FAM228B: variants seen among roughly 807,000 people sequenced by gnomAD.
The protein encoded by FAM228B is protein FAM228B.
In FAM228B, 38 loss-of-function variants were observed where a neutral mutation model predicts 42.6. That is an observed-to-expected ratio of 0.89 (90% CI 0.69 to 1.17). The LOEUF is 1.17. Among genes scored for constraint, FAM228B ranks in the 50% most tolerant of loss-of-function variants. The pLI is 0.00. For synonymous variants in FAM228B, 109 were observed against 122.3 expected (o/e 0.89, Z 0.72); for missense variants, 344 against 367.3 (o/e 0.94, Z 0.52).
intron 3 of FAM228B, among the ~76,000 whole-genome samples, chr2:24,110,802 T>TA (rs1665778156): frequency 6.6e-6 from 1 of 151,992 alleles, no homozygotes; most frequent in African/African-American, 2.4e-5. Flanking sequence ...GACAGAAGTG[T>TA]GGGTAGTGCG....
chr2:24,141,027 A>C (rs991669740), intron 5 of FAM228B, among the ~76,000 whole-genome samples: 1 of 152,046 alleles, frequency 6.6e-6, no homozygotes, highest in African/African-American at 2.4e-5. Flanking sequence ...ATTCAAGTGA[A>C]TTTAGTGACA....
At chr2:24,134,673 G>GTTTAAAA (rs1666538144) in intron 2 of FAM228B, among the ~76,000 whole-genome samples, 1 of 152,138 alleles carries the variant, frequency 6.6e-6, no homozygotes, top group African/African-American at 2.4e-5. Flanking sequence ...TTGATGGGCT[G>GTTTAAAA]GGCACAGTGG....
At chr2:24,155,531 A>ATTTATTT (rs1667120422) in intron 7 of FAM228B, among the ~76,000 whole-genome samples, 1 of 13,038 alleles carries the variant, frequency 7.7e-5, no homozygotes, top group Non-Finnish European at 1.6e-4. Flanking sequence ...ATATATATAT[A>ATTTATTT]TTTTTTTTTT....
chr2:24,165,481 C>T (rs1281105836), intron 9 of FAM228B: 1 of 471,062 alleles, frequency 2.1e-6, no homozygotes, highest in South Asian at 1.5e-5. Context: ...TCCTCAGGTC[C>T]CAGATGGGAG....
intron 5 of FAM228B, among the ~76,000 whole-genome samples, chr2:24,143,394 TC>T (rs1406914247): frequency 2.6e-5 from 4 of 151,922 alleles, no homozygotes; most frequent in African/African-American, 4.8e-5. Flanking sequence ...TGGGGTTTCA[TC>T]GTGTTAGCCA....
rs547825731 is a variant in FAM228B at position 24,110,713 on chromosome 2, C to G, written c.-121+15484C>G. Among the ~76,000 whole-genome samples, 485 of 152,272 alleles carry G rather than the reference C, an allele frequency of 3.2e-3. 4 individuals carry two copies. Among genetic ancestry groups the G allele is most frequent in the African/African-American group, 0.011 (457 of 41,556 alleles). On this transcript the variant is annotated intron_variant, in intron 3 of 10. Transcript: ENST00000613899. Reference sequence around the variant, plus strand: ...AACTGCAATCGTAAGTGCAGTGTAGCCTTTTCATGAGTTCTGTAGTCATTC... The same window carrying G: ...AACTGCAATCGTAAGTGCAGTGTAGGCTTTTCATGAGTTCTGTAGTCATTC...
chr2:24,133,723 A>G (rs1023101211), intron 2 of FAM228B, among the ~76,000 whole-genome samples: 6 of 152,184 alleles, frequency 3.9e-5, no homozygotes, highest in Non-Finnish European at 8.8e-5. Context: ...GTGTTATTTC[A>G]AAATCTGAAA....
chr2:24,157,514 G>C (rs1214579042), intron 7 of FAM228B, among the ~76,000 whole-genome samples: 2 of 152,010 alleles, frequency 1.3e-5, no homozygotes, highest in Admixed American at 1.3e-4. Flanking sequence ...GAGGCGGGTG[G>C]ATGACCTGAG....
intron 2 of FAM228B, among the ~76,000 whole-genome samples, chr2:24,094,411 C>G (rs1186716386): frequency 1.3e-5 from 2 of 152,020 alleles, no homozygotes; most frequent in East Asian, 3.9e-4. Flanking sequence ...AATTATTCAC[C>G]TGAAATATAA....
At chr2:24,140,540 A>G (rs1666718463) in intron 5 of FAM228B, among the ~76,000 whole-genome samples, 1 of 152,226 alleles carries the variant, frequency 6.6e-6, no homozygotes, top group Non-Finnish European at 1.5e-5. Flanking sequence ...ACCAATTAAC[A>G]TACATTGCAT....
intron 7 of FAM228B, among the ~76,000 whole-genome samples, chr2:24,154,894 C>A (rs1371077567): frequency 6.6e-6 from 1 of 152,152 alleles, no homozygotes; most frequent in Non-Finnish European, 1.5e-5. Flanking sequence ...GAACTAAAAT[C>A]ATTTCATTTG....
chr2:24,146,251 AT>A (rs1403989766), intron 5 of FAM228B, among the ~76,000 whole-genome samples: 5 of 152,158 alleles, frequency 3.3e-5, no homozygotes, highest in Non-Finnish European at 7.4e-5. Context: ...CTGTTTTCAT[AT>A]GTAGAACTGT....
chr2:24,086,018 G>A (rs1171352601), intron 2 of FAM228B, among the ~76,000 whole-genome samples: 1 of 152,052 alleles, frequency 6.6e-6, no homozygotes, highest in African/African-American at 2.4e-5. Context: ...GGCGGATCAC[G>A]AGGTCAGGAG....
rs542742204 is a variant in FAM228B, at chr2:24,147,168, T to C, written c.686+82T>C. On this transcript the variant is annotated intron_variant, in intron 7 of 10. Transcript: ENST00000615575. ...ACTGATATAACATTTTTCATAGTTATGATTTTTTAAAATTATCATTTTTCT... is the reference window on the plus strand; with the variant it reads ...ACTGATATAACATTTTTCATAGTTACGATTTTTTAAAATTATCATTTTTCT... 85 of 988,924 alleles carry C rather than the reference T, an allele frequency of 8.6e-5. No homozygotes were observed. In the South Asian group the frequency reaches 8.9e-4, roughly 10 times the overall value. The allele number at this position is 988,924 out of a possible 1,614,324, so 61.3% of individuals were successfully genotyped here.
rs766073678 is a variant in FAM228B, at chr2:24,123,517, G to C, written c.-49G>C. 6.6e-6 allele frequency: 1 copy of C among 152,176 alleles called. No individual in the cohort carries two copies. Among genetic ancestry groups the C allele is most frequent in the Non-Finnish European group, 1.5e-5 (1 of 68,046 alleles). 9.4% of individuals were successfully genotyped at this position (152,176 alleles called of 1,614,324 possible). On this transcript the variant is annotated 5_prime_UTR_variant, in exon 1 of 11. Coordinates refer to ENST00000615575, the MANE Select transcript of FAM228B (RefSeq NM_001145710.2). ...GCAGGGGGCGGAGTGCTCGCGCGGC[G>C]CTGCGTCCGGGAGACGGTGGGCGCC... is the stretch of plus-strand genomic sequence containing the variant.
intron 3 of FAM228B, among the ~76,000 whole-genome samples, chr2:24,117,078 C>A (rs1343884102): frequency 6.8e-6 from 1 of 147,896 alleles, no homozygotes; most frequent in African/African-American, 2.5e-5. Context: ...TGCAGTGGCA[C>A]GATCTCGGCT....
At chr2:24,088,346 AT>A (rs1665307893) in intron 2 of FAM228B, among the ~76,000 whole-genome samples, 1 of 147,412 alleles carries the variant, frequency 6.8e-6, no homozygotes, top group African/African-American at 2.5e-5. Flanking sequence ...TCATCCCTTT[AT>A]TATATATATA....
chr2:24,157,837 A>G (rs1255451962), intron 7 of FAM228B, among the ~76,000 whole-genome samples: 2 of 152,164 alleles, frequency 1.3e-5, no homozygotes, highest in Non-Finnish European at 2.9e-5. Context: ...CAAGATCCTC[A>G]GATGATTCGA....
intron 3 of FAM228B, among the ~76,000 whole-genome samples, chr2:24,114,037 G>A (rs1452762230): frequency 6.6e-6 from 1 of 152,186 alleles, no homozygotes; most frequent in Non-Finnish European, 1.5e-5. Flanking sequence ...GAATGATGTT[G>A]GAAGTAAGTT....
Sources: gnomAD v4.1 joint callset for allele counts (sites outside exome capture counted in the v4.1 genomes callset) on GRCh38, gnomAD v4.1.1 for gene constraint, MANE v1.5 for transcripts, NCBI Gene and HGNC (gene_info 2026-07-23, HGNC 2026-07-21) for gene names.